PTCHD4: variants seen among roughly 807,000 people sequenced by gnomAD.
PTCHD4 encodes the protein patched domain containing 4, also known as patched domain-containing protein 4.
PTCHD4 carries 33 observed loss-of-function variants against 58.1 expected under a neutral mutation model. That is an observed-to-expected ratio of 0.57 (90% confidence interval 0.43 to 0.76). PTCHD4 has a LOEUF of 0.76. PTCHD4 is among the 30% of genes least tolerant of loss of function. The pLI is 0.00. For synonymous variants in PTCHD4, 478 were observed against 409.6 expected (o/e 1.17, Z -2.02); for missense variants, 1,058 against 1,027.1 (o/e 1.03, Z -0.41).
chr6:47,957,152 G>A (rs1766896047), intron 4 of PTCHD4, among the ~76,000 whole-genome samples: 1 of 148,734 alleles, frequency 6.7e-6, no homozygotes, highest in Non-Finnish European at 1.5e-5. Flanking sequence ...GTGACAGAGT[G>A]AGACTCTGTC....
At chr6:48,019,858 C>A (rs928799167) in intron 3 of PTCHD4, among the ~76,000 whole-genome samples, 1 of 152,124 alleles carries the variant, frequency 6.6e-6, no homozygotes, top group Non-Finnish European at 1.5e-5. Flanking sequence ...GAAGATGTTA[C>A]CTTAGCTGAG....
At chr6:48,003,933 A>G (rs76004576) in intron 4 of PTCHD4, among the ~76,000 whole-genome samples, 6,746 of 152,146 alleles carry the variant, frequency 0.044, 186 homozygotes, top group African/African-American at 0.051. Flanking sequence ...CTCTGCTTCA[A>G]TTTTACTCTT....
chr6:47,974,828 T>C (rs1279221612), intron 4 of PTCHD4, among the ~76,000 whole-genome samples: 5 of 152,228 alleles, frequency 3.3e-5, no homozygotes, highest in East Asian at 1.9e-4. Flanking sequence ...AGTTGGACAA[T>C]AGATACAAAA....
At chr6:48,009,911 T>C (rs1762606612) in intron 3 of PTCHD4, among the ~76,000 whole-genome samples, 1 of 152,182 alleles carries the variant, frequency 6.6e-6, no homozygotes, top group Non-Finnish European at 1.5e-5. Flanking sequence ...GGCAAGATCA[T>C]GAGAGTAGGA....
chr6:48,050,175 A>G (rs1256698470), intron 3 of PTCHD4, among the ~76,000 whole-genome samples: 1 of 152,008 alleles, frequency 6.6e-6, no homozygotes. Context: ...AGTCAGGTTT[A>G]TTAGGGCTTC....
At chr6:48,108,924 A>G (rs1344585154) in intron 1 of PTCHD4, among the ~76,000 whole-genome samples, 1 of 152,092 alleles carries the variant, frequency 6.6e-6, no homozygotes, top group Non-Finnish European at 1.5e-5. Flanking sequence ...CACTAATAAC[A>G]TTATGAAAAA....
At chr6:47,898,095 C>A (rs1020769473) in intron 4 of PTCHD4, among the ~76,000 whole-genome samples, 3 of 151,910 alleles carry the variant, frequency 2.0e-5, no homozygotes. Context: ...CAGGCGTGTG[C>A]CACCACACCC....
At chr6:47,894,804 C>CT (rs1764485215) in intron 4 of PTCHD4, among the ~76,000 whole-genome samples, 1 of 152,180 alleles carries the variant, frequency 6.6e-6, no homozygotes, top group Non-Finnish European at 1.5e-5. Flanking sequence ...GGACTTCGTC[C>CT]TGCTCATTTG....
At chr6:48,030,049 C>A (rs1202081118) in intron 3 of PTCHD4, among the ~76,000 whole-genome samples, 1 of 151,912 alleles carries the variant, frequency 6.6e-6, no homozygotes, top group African/African-American at 2.4e-5. Context: ...GGCTTCCTAT[C>A]CTTGAGAGGA....
In PTCHD4 at chr6:48,035,281, A is replaced by G. The variant is rs191071319; in HGVS notation, c.418-26167T>C. On this transcript the variant is annotated intron_variant, in intron 3 of 4. Coordinates refer to ENST00000339488, the MANE Select transcript of PTCHD4 (RefSeq NM_001384253.1). The stretch of plus-strand genomic sequence containing the variant: ...TTATAAATAATAACAAATTACAAAG[A>G]TGAGTTGGGTCACTCTGAATTGGGA... Among the ~76,000 whole-genome samples the G allele has an allele frequency of 1.7e-4, 26 of 152,184 alleles. 1 individual carries two copies. The highest frequency in any genetic ancestry group is 6.3e-4 in the African/African-American group (26 of 41,556).
Position 48,000,009 on chromosome 6 carries a change from T to C in PTCHD4, c.898+8625A>G, listed in dbSNP as rs1334514768. ...GCTGTTGGCTAGCCAATAGAATGTA[T>C]AAGAAGTAACTGCATCACTTCTGAG... is the stretch of plus-strand genomic sequence containing the variant. On this transcript the variant is annotated intron_variant, in intron 4 of 4. Transcript: ENST00000339488. Among the ~76,000 whole-genome samples the C allele has an allele frequency of 2.0e-5, 3 of 152,178 alleles. No individual in the cohort carries two copies. In the South Asian group the frequency reaches 6.2e-4, roughly 32 times the overall value.
At chr6:47,940,007 C>T (rs1330657564) in intron 4 of PTCHD4, among the ~76,000 whole-genome samples, 1 of 152,010 alleles carries the variant, frequency 6.6e-6, no homozygotes, top group African/African-American at 2.4e-5. Context: ...ACATACATCG[C>T]TTTGAACTAG....
chr6:47,954,335 C>A (rs1245818295), intron 4 of PTCHD4, among the ~76,000 whole-genome samples: 1 of 152,114 alleles, frequency 6.6e-6, no homozygotes, highest in African/African-American at 2.4e-5. Flanking sequence ...CCAGCATGGG[C>A]AGCAGAGTGA....
intron 4 of PTCHD4, among the ~76,000 whole-genome samples, chr6:47,968,506 A>T (rs1055571843): frequency 6.6e-6 from 1 of 152,206 alleles, no homozygotes; most frequent in African/African-American, 2.4e-5. Context: ...ACCAGTCTGT[A>T]AAAAACAGAA....
chr6:47,936,192 T>C (rs910924554), intron 4 of PTCHD4, among the ~76,000 whole-genome samples: 3 of 152,164 alleles, frequency 2.0e-5, no homozygotes, highest in African/African-American at 7.2e-5. Context: ...TGAAAGAAGA[T>C]GGTGGCTTGG....
rs1406526557 is a variant in PTCHD4, at chr6:47,857,878, A to T, written c.*20425T>A. ...TCCCAAAGTTAATTTCATTATAATA[A>T]TTTTTTAGCAAACTGTAACTATAAA... On this transcript the variant is annotated 3_prime_UTR_variant, in exon 5 of 5. Transcript: ENST00000339488. Among the ~76,000 whole-genome samples, 1 of 151,964 alleles carries T rather than the reference A, an allele frequency of 6.6e-6. No individual in the cohort carries two copies. The highest frequency in any genetic ancestry group is 1.5e-5 in the Non-Finnish European group (1 of 67,964).
intron 1 of PTCHD4, among the ~76,000 whole-genome samples, chr6:48,107,684 T>G (rs528427911): frequency 2.0e-5 from 3 of 151,302 alleles, no homozygotes; most frequent in African/African-American, 4.9e-5. Context: ...TGGGAGAAAA[T>G]TTTTGCAACC....
intron 4 of PTCHD4, among the ~76,000 whole-genome samples, chr6:47,945,713 A>T (rs1199670266): frequency 6.6e-6 from 1 of 151,828 alleles, no homozygotes; most frequent in African/African-American, 2.4e-5. Context: ...ATTTTGGAAA[A>T]GTGGACATTT....
intron 3 of PTCHD4, among the ~76,000 whole-genome samples, chr6:48,057,199 G>GTT (rs952095381): frequency 7.1e-6 from 1 of 140,666 alleles, no homozygotes; most frequent in African/African-American, 2.6e-5. Context: ...TGTTTTTTTT[G>GTT]TTTTTTTTTT....
Sources: allele counts gnomAD v4.1 joint callset (sites outside exome capture counted in the v4.1 genomes callset), GRCh38; gene constraint gnomAD v4.1.1; transcripts MANE v1.5; gene names NCBI Gene and HGNC (gene_info 2026-07-23, HGNC 2026-07-21).